Variants in DTNBP1 observed in about 807,000 individuals in gnomAD.
The protein encoded by DTNBP1 is dystrobrevin binding protein 1.
In DTNBP1, 35 loss-of-function variants were observed where a neutral mutation model predicts 42.8. The ratio of observed to expected loss-of-function variants is 0.82; its 90% CI spans 0.63 to 1.09. The LOEUF (loss-of-function observed/expected upper bound fraction) is 1.09, where lower values mean the gene tolerates loss of function less well. Among genes scored for constraint, DTNBP1 ranks in the 50% least tolerant of loss-of-function variants. The pLI, the probability that DTNBP1 is intolerant of heterozygous loss-of-function variation, is 0.00. For synonymous variants in DTNBP1, 171 were observed against 162.2 expected, an observed-to-expected ratio of 1.05 and a Z score of -0.41; for missense variants, 457 against 424.2, an observed-to-expected ratio of 1.08 and a Z score of -0.68.
intron 7 of DTNBP1, among the ~76,000 whole-genome samples, chr6:15,558,807 A>G (rs535159762): frequency 6.6e-6 from 1 of 152,180 alleles, no homozygotes; most frequent in Non-Finnish European, 1.5e-5. Flanking sequence ...TGAGCTATTT[A>G]CAGTTTTTAT....
chr6:15,536,323 T>A (rs1773224850), intron 7 of DTNBP1, among the ~76,000 whole-genome samples: 1 of 152,232 alleles, frequency 6.6e-6, no homozygotes, highest in Non-Finnish European at 1.5e-5. Context: ...GCCTCTCCCA[T>A]CACAGGCCCT....
Position 15,523,150 on chromosome 6 carries a change from T to A in DTNBP1, c.881A>T (p.Lys294Met), listed in dbSNP as rs968133422. The A allele has an allele frequency of 1.9e-6, 3 of 1,614,108 alleles. No homozygotes were observed. The highest frequency in any genetic ancestry group is 2.5e-6 in the Non-Finnish European group (3 of 1,180,046). ...GCAGGTGGAGGAAGAAGAAGGTGGC[T>A]TGGCTCTTAATTCTGAGGGATTTGG... is the stretch of plus-strand genomic sequence containing the variant. ...QVPNPSELRA[K>M]PPSSSSTCTD... Residue 294 changes from lysine (K) to methionine (M), a missense_variant, in exon 10 of 10, where the codon AAG becomes ATG. Transcript: ENST00000344537.
chr6:15,590,630 A>T (rs1314387672), intron 7 of DTNBP1, among the ~76,000 whole-genome samples: 1 of 152,244 alleles, frequency 6.6e-6, no homozygotes, highest in East Asian at 1.9e-4. Flanking sequence ...CTGCTGTCTA[A>T]TATTTGAGTG....
chr6:15,661,835 C>T (rs1051580862), intron 1 of DTNBP1, among the ~76,000 whole-genome samples: 1 of 152,188 alleles, frequency 6.6e-6, no homozygotes, highest in African/African-American at 2.4e-5. Context: ...ATGATGCTTG[C>T]TTCGTGTTTT....
intron 7 of DTNBP1, among the ~76,000 whole-genome samples, chr6:15,546,256 G>A (rs1001942474): frequency 4.6e-5 from 7 of 151,846 alleles, no homozygotes; most frequent in Non-Finnish European, 8.8e-5. Flanking sequence ...AGTAGAGATG[G>A]GGTTTCATCA....
chr6:15,523,456 A>C, intron 9 of DTNBP1: 1 of 1,302,860 alleles, frequency 7.7e-7, no homozygotes, highest in Non-Finnish European at 1.0e-6. Context: ...CACATGTGAC[A>C]CAGATCAAGT....
chr6:15,573,997 G>A (rs922470192), intron 7 of DTNBP1, among the ~76,000 whole-genome samples: 13 of 152,114 alleles, frequency 8.5e-5, no homozygotes, highest in African/African-American at 2.2e-4. Context: ...GAGCCACCGC[G>A]CCCAGACTCT....
rs546052671 is a variant in DTNBP1 at position 15,539,343 on chromosome 6, C to T, written c.512-5948G>A. Among the ~76,000 whole-genome samples, 5 of 152,338 alleles carry T rather than the reference C, an allele frequency of 3.3e-5. No homozygotes were observed. In the East Asian group the frequency reaches 9.7e-4, roughly 29 times the overall value. On this transcript the variant is annotated intron_variant, in intron 7 of 9. Transcript: ENST00000344537. The stretch of plus-strand genomic sequence containing the variant: ...GTGTTTACGTGAAGACGGTCTGCCA[C>T]AGTGGGAAGAGTTTCTTGTGCTCAC...
At chr6:15,658,228 T>C (rs1400890938) in intron 1 of DTNBP1, among the ~76,000 whole-genome samples, 2 of 152,216 alleles carry the variant, frequency 1.3e-5, no homozygotes, top group East Asian at 1.9e-4. Context: ...GTCTAATGTC[T>C]GGCACTGGCA....
intron 7 of DTNBP1, among the ~76,000 whole-genome samples, chr6:15,563,299 G>C (rs1033801506): frequency 3.9e-5 from 6 of 152,132 alleles, no homozygotes; most frequent in African/African-American, 1.4e-4. Flanking sequence ...CATGGCCTCA[G>C]GTTAGGCAAA....
chr6:15,546,926 C>CTTTTTTTT (rs10711026), intron 7 of DTNBP1, among the ~76,000 whole-genome samples: 4 of 116,164 alleles, frequency 3.4e-5, no homozygotes, highest in Admixed American at 8.8e-5. Flanking sequence ...TTCTTTCTTT[C>CTTTTTTTT]TTTTTTTTTT....
chr6:15,636,623 T>C (rs903058154), intron 4 of DTNBP1, among the ~76,000 whole-genome samples: 4 of 152,072 alleles, frequency 2.6e-5, no homozygotes, highest in Non-Finnish European at 4.4e-5. Context: ...ACAGGTACAT[T>C]TTTTTTCCCC....
intron 7 of DTNBP1, among the ~76,000 whole-genome samples, chr6:15,575,184 G>A (rs754447714): frequency 5.9e-5 from 9 of 151,484 alleles, no homozygotes; most frequent in Non-Finnish European, 1.0e-4. Context: ...AAATTTGAAG[G>A]AAAAAAAGGT....
At chr6:15,627,977 A>G (rs1404151444) in intron 4 of DTNBP1, among the ~76,000 whole-genome samples, 1 of 152,218 alleles carries the variant, frequency 6.6e-6, no homozygotes, top group Non-Finnish European at 1.5e-5. Flanking sequence ...TAAAGTATAT[A>G]AAGGAATTTT....
At chr6:15,569,264 A>C (rs760243991) in intron 7 of DTNBP1, among the ~76,000 whole-genome samples, 12 of 152,266 alleles carry the variant, frequency 7.9e-5, no homozygotes, top group Admixed American at 2.6e-4. Flanking sequence ...AGGATCGCTG[A>C]CATTAGAATC....
At chr6:15,660,237 A>T in intron 1 of DTNBP1, 1 of 719,716 alleles carries the variant, frequency 1.4e-6, no homozygotes, top group Non-Finnish European at 2.1e-6. Flanking sequence ...ATTCCACATT[A>T]CCAACATATA....
chr6:15,609,171 T>C (rs1305204859), intron 6 of DTNBP1, among the ~76,000 whole-genome samples: 1 of 151,676 alleles, frequency 6.6e-6, no homozygotes, highest in Non-Finnish European at 1.5e-5. Context: ...CTACCTTCTT[T>C]TTTTTTTTTT....
intron 7 of DTNBP1, among the ~76,000 whole-genome samples, chr6:15,535,486 T>C (rs1409751823): frequency 6.6e-6 from 1 of 152,022 alleles, no homozygotes; most frequent in East Asian, 1.9e-4. Context: ...CCAGCTAATT[T>C]TTTGTATTTT....
chr6:15,558,474 C>T (rs1241075813), intron 7 of DTNBP1, among the ~76,000 whole-genome samples: 2 of 151,988 alleles, frequency 1.3e-5, no homozygotes, highest in Non-Finnish European at 1.5e-5. Flanking sequence ...AGCATGTTGG[C>T]CAGACTGGTC....
Sources: gnomAD v4.1 joint callset for allele counts (sites outside exome capture counted in the v4.1 genomes callset) on GRCh38, gnomAD v4.1.1 for gene constraint, MANE v1.5 for transcripts, NCBI Gene and HGNC (gene_info 2026-07-23, HGNC 2026-07-21) for gene names.